Variants in RXRA observed in about 807,000 individuals in gnomAD.
The protein encoded by RXRA is retinoid X receptor alpha.
Under a neutral mutation model 44.5 loss-of-function variants are expected in RXRA, and 5 were observed. The observed-to-expected ratio is 0.11, with a 90% CI of 0.06 to 0.24. The LOEUF (loss-of-function observed/expected upper bound fraction) is 0.24. RXRA is among the 10% of genes least tolerant of loss of function. The pLI is 1.00. For missense variants in RXRA, 412 were observed against 646.5 expected (o/e 0.64, Z 3.93); for synonymous variants, 291 against 271.4 (o/e 1.07, Z -0.71).
At chr9:134,405,946 G>A (rs1831043736) in intron 2 of RXRA, 1 of 152,320 alleles carries the variant, frequency 6.6e-6, no homozygotes, top group East Asian at 1.9e-4. Flanking sequence ...CCTGTGCCTG[G>A]GACACCCCTT....
At chr9:134,429,037 C>G (rs1356108366) in intron 6 of RXRA, 71 bp from the exon 7 acceptor site, 1 of 1,582,920 alleles carries the variant, frequency 6.3e-7, no homozygotes, top group African/African-American at 1.3e-5. Context: ...TAGGGTCCCA[C>G]CAGGGGCTGG....
chr9:134,431,320 G>A (rs928272101), intron 7 of RXRA, among the ~76,000 whole-genome samples: 1 of 152,276 alleles, frequency 6.6e-6, no homozygotes, highest in Admixed American at 6.5e-5. Context: ...TCTCCATGGA[G>A]GGAGCTGGCG....
At chr9:134,408,033 C>T (rs1041191042) in intron 2 of RXRA, 116 bp from the exon 3 acceptor site, 58 of 758,350 alleles carry the variant, frequency 7.6e-5, no homozygotes, top group African/African-American at 2.7e-4. Context: ...TCTCTAGCCT[C>T]GGTGTCTGTG....
At chr9:134,404,038 T>G (rs1240529283) in intron 2 of RXRA, 1 of 152,252 alleles carries the variant, frequency 6.6e-6, no homozygotes. Flanking sequence ...CTTTGAGGCC[T>G]CAGCAGTTTG....
intron 1 of RXRA, among the ~76,000 whole-genome samples, chr9:134,388,286 T>TGTGTGTGTTTGTGTGTGTGA (rs71381810): frequency 2.0e-5 from 3 of 150,888 alleles, no homozygotes; most frequent in African/African-American, 7.3e-5. Context: ...AGAAGCAGTG[T>TGTGTGTGTTTGTGTGTGTGA]GTGTGTGAGT....
chr9:134,393,421 C>A (rs948975491), intron 1 of RXRA, among the ~76,000 whole-genome samples: 17 of 152,180 alleles, frequency 1.1e-4, no homozygotes, highest in Admixed American at 9.8e-4. Context: ...CTCTTCTGAA[C>A]CATGGTGGTT....
chr9:134,344,214 G>T (rs138063088), intron 1 of RXRA, among the ~76,000 whole-genome samples: 219 of 152,330 alleles, frequency 1.4e-3, no homozygotes, highest in African/African-American at 4.9e-3. Flanking sequence ...CCTGCCCTGG[G>T]CCTCCCTTTT....
intron 4 of RXRA, 64 bp downstream of exon 4, chr9:134,409,183 T>G: frequency 7.0e-7 from 1 of 1,431,766 alleles, no homozygotes; most frequent in Non-Finnish European, 9.4e-7. Flanking sequence ...CCCGGGCTTG[T>G]GCGTGGACAC....
intron 1 of RXRA, among the ~76,000 whole-genome samples, chr9:134,390,569 A>G (rs975114451): frequency 6.6e-6 from 1 of 152,074 alleles, no homozygotes; most frequent in Admixed American, 6.5e-5. Flanking sequence ...GGCCCTCAGC[A>G]AGTTTCTGCG....
intron 1 of RXRA, among the ~76,000 whole-genome samples, chr9:134,350,345 C>T (rs1198769636): frequency 6.6e-6 from 1 of 152,184 alleles, no homozygotes; most frequent in Non-Finnish European, 1.5e-5. Flanking sequence ...AGGCCCTTTG[C>T]CCCTCCAAGC....
chr9:134,354,792 T>A (rs1037301655), intron 1 of RXRA, among the ~76,000 whole-genome samples: 11 of 152,254 alleles, frequency 7.2e-5, no homozygotes, highest in African/African-American at 2.7e-4. Flanking sequence ...TCTTTGGCCC[T>A]CCAGGCTCCC....
chr9:134,376,789 CA>C (rs1195173267), intron 1 of RXRA, among the ~76,000 whole-genome samples: 1 of 152,186 alleles, frequency 6.6e-6, no homozygotes, highest in African/African-American at 2.4e-5. Flanking sequence ...TGAGACCAGC[CA>C]GGGGCGCAGC....
intron 6 of RXRA, chr9:134,423,225 C>T (rs927598402): frequency 6.1e-6 from 6 of 985,310 alleles, no homozygotes; most frequent in Admixed American, 1.2e-4. Flanking sequence ...TGAAGCAACA[C>T]GTTGGGTGCC....
At chr9:134,344,648 T>A (rs560966041) in intron 1 of RXRA, among the ~76,000 whole-genome samples, 1 of 152,262 alleles carries the variant, frequency 6.6e-6, no homozygotes, top group Admixed American at 6.5e-5. Context: ...CTCTGCTGCG[T>A]AGCGCCCTCT....
At chr9:134,353,841 T>C (rs1488276527) in intron 1 of RXRA, among the ~76,000 whole-genome samples, 1 of 152,218 alleles carries the variant, frequency 6.6e-6, no homozygotes. Flanking sequence ...CTGGTGGGAC[T>C]CCAGCAGCCG....
At chr9:134,350,274 T>C (rs1247760867) in intron 1 of RXRA, among the ~76,000 whole-genome samples, 15 of 151,592 alleles carry the variant, frequency 9.9e-5, no homozygotes, top group Admixed American at 9.8e-4. Flanking sequence ...GGCCGCGGAG[T>C]GGCCTGAACA....
intron 6 of RXRA, among the ~76,000 whole-genome samples, chr9:134,428,331 CT>C (rs1328648487): frequency 6.8e-6 from 1 of 146,506 alleles, no homozygotes; most frequent in Non-Finnish European, 1.5e-5. Context: ...AGGGAACCCC[CT>C]GATGTTGAGG....
intron 5 of RXRA, among the ~76,000 whole-genome samples, chr9:134,420,734 C>T (rs920199186): frequency 2.6e-5 from 4 of 152,344 alleles, no homozygotes; most frequent in South Asian, 2.1e-4. Context: ...CTGAGGGGGC[C>T]GTCATCTGAG....
intron 2 of RXRA, chr9:134,402,170 C>T (rs971777853): frequency 2.0e-4 from 97 of 485,170 alleles, no homozygotes; most frequent in African/African-American, 1.7e-3. Flanking sequence ...ACTCCCTGTT[C>T]CCATGACTGG....
Sources: gnomAD v4.1 joint callset for allele counts (sites outside exome capture counted in the v4.1 genomes callset) on GRCh38, gnomAD v4.1.1 for gene constraint, MANE v1.5 for transcripts, NCBI Gene and HGNC (gene_info 2026-07-23, HGNC 2026-07-21) for gene names.